WDFY2: variants seen among roughly 807,000 people sequenced by gnomAD.
The protein encoded by WDFY2 is WD repeat and FYVE domain containing 2, also known as WD repeat and FYVE domain-containing protein 2.
Under a neutral mutation model 56.4 loss-of-function variants are expected in WDFY2, and 36 were observed. The ratio of observed to expected loss-of-function variants is 0.64; its 90% CI spans 0.49 to 0.84. The LOEUF (loss-of-function observed/expected upper bound fraction) is 0.84, where lower values mean the gene tolerates loss of function less well. Ranked by LOEUF, WDFY2 falls within the 40% of genes least tolerant of loss-of-function variation. The probability of loss-of-function intolerance (pLI) is 0.00; values close to 1 mark genes in which losing one functional copy is unlikely to be tolerated. For missense variants in WDFY2, 444 were observed against 512.2 expected, an observed-to-expected ratio of 0.87 and a Z score of 1.29; for synonymous variants, 176 against 183.7, an observed-to-expected ratio of 0.96 and a Z score of 0.34.
intron 11 of WDFY2, 105 bp downstream of exon 11, chr13:51,758,405 G>A: frequency 1.3e-6 from 1 of 754,234 alleles, no homozygotes; most frequent in South Asian, 2.2e-5. Flanking sequence ...TCCTTGGGTA[G>A]CCGGCCATGG....
At chr13:51,727,637 C>A in intron 5 of WDFY2, 41 bp from the exon 6 acceptor site, 3 of 1,577,420 alleles carry the variant, frequency 1.9e-6, no homozygotes, top group Non-Finnish European at 8.7e-7. Context: ...TAAATTCCCT[C>A]ATTTAATTTT....
chr13:51,715,953 A>G (rs1952336555), intron 4 of WDFY2, among the ~76,000 whole-genome samples: 2 of 152,222 alleles, frequency 1.3e-5, no homozygotes, highest in African/African-American at 4.8e-5. Flanking sequence ...AACGTTATTC[A>G]TAATGGCCAA....
chr13:51,660,836 T>C (rs74329341), intron 2 of WDFY2, among the ~76,000 whole-genome samples, 173 bp downstream of exon 2: 2 of 152,330 alleles, frequency 1.3e-5, no homozygotes, highest in East Asian at 3.9e-4. Context: ...AGTAAGAAAA[T>C]TGTTCTGAAA....
At chr13:51,697,159 T>G (rs950726355) in intron 3 of WDFY2, among the ~76,000 whole-genome samples, 1 of 152,156 alleles carries the variant, frequency 6.6e-6, no homozygotes, top group Non-Finnish European at 1.5e-5. Flanking sequence ...GGAAAGGACA[T>G]AAATTGGCAC....
rs553691846 is a variant in WDFY2, at chr13:51,614,565, C to T, written c.137+29741C>T. 1.8e-3 allele frequency among the ~76,000 whole-genome samples: 280 copies of T among 152,298 alleles called. 1 individual carries two copies. Among genetic ancestry groups the T allele is most frequent in the South Asian group, 3.7e-3 (18 of 4,832 alleles). ...TTTGAAGCCTCACGATGGCTGCTCT[C>T]CAGTCAGCATTGCATCTGCTTTCCA... On this transcript the variant is annotated intron_variant, in intron 1 of 11. Transcript: ENST00000298125.
rs148387439 is a variant in WDFY2 at position 51,699,486 on chromosome 13, G to A, written c.280-4110G>A. ...CCTTCAAATAAAGCATTAGACTTAC[G>A]CTTTGCTTCACGCTGTTTTTCAGAG... On this transcript the variant is annotated intron_variant, in intron 3 of 11. Transcript: ENST00000298125. Among the ~76,000 whole-genome samples the A allele has an allele frequency of 4.9e-3, 753 of 152,266 alleles. 5 individuals carry two copies. The highest frequency in any genetic ancestry group is 0.014 in the African/African-American group (590 of 41,546).
chr13:51,609,648 A>G (rs1954457987), intron 1 of WDFY2, among the ~76,000 whole-genome samples: 1 of 118,818 alleles, frequency 8.4e-6, no homozygotes, highest in Non-Finnish European at 1.7e-5. Context: ...ACATATGTTT[A>G]AGAACACAGG....
At chr13:51,593,825 T>G (rs1385225257) in intron 1 of WDFY2, 1 of 152,214 alleles carries the variant, frequency 6.6e-6, no homozygotes, top group Non-Finnish European at 1.5e-5. Context: ...TCCAGATATA[T>G]CTTACATTTT....
chr13:51,710,982 A>G (rs372869680), intron 4 of WDFY2, among the ~76,000 whole-genome samples: 1 of 152,122 alleles, frequency 6.6e-6, no homozygotes, highest in South Asian at 2.1e-4. Flanking sequence ...CATTGCCAAG[A>G]CAATCCTAAG....
intron 2 of WDFY2, among the ~76,000 whole-genome samples, chr13:51,665,382 A>G (rs2138472038): frequency 6.6e-6 from 1 of 152,330 alleles, no homozygotes; most frequent in East Asian, 1.9e-4. Flanking sequence ...TGGAAGTTTC[A>G]GTTACAGCCA....
intron 1 of WDFY2, among the ~76,000 whole-genome samples, chr13:51,600,288 A>G (rs781630596): frequency 2.0e-5 from 3 of 152,198 alleles, no homozygotes; most frequent in Non-Finnish European, 4.4e-5. Context: ...TTTCTTTGAT[A>G]CAGAAACCAG....
chr13:51,680,228 A>G (rs1201274705), intron 3 of WDFY2, among the ~76,000 whole-genome samples: 1 of 152,134 alleles, frequency 6.6e-6, no homozygotes, highest in African/African-American at 2.4e-5. Flanking sequence ...CTCACTTCCA[A>G]GTAGCTGGGA....
intron 1 of WDFY2, chr13:51,586,026 T>G (rs1953930663): frequency 7.5e-6 from 3 of 398,560 alleles, no homozygotes; most frequent in Non-Finnish European, 1.3e-5. Flanking sequence ...CCTGTGCAGA[T>G]CCAATGGAAA....
At chr13:51,706,604 G>A (rs1004501878) in intron 4 of WDFY2, among the ~76,000 whole-genome samples, 7 of 152,120 alleles carry the variant, frequency 4.6e-5, no homozygotes, top group African/African-American at 1.4e-4. Flanking sequence ...ATCAAAACCT[G>A]AACTGAAAAC....
In WDFY2 at chr13:51,761,475, CTT is replaced by C. The variant is rs1202733224; in HGVS notation, c.*1707_*1708del. 2 of 152,230 alleles carry C rather than the reference CTT, an allele frequency of 1.3e-5. No individual in the cohort carries two copies. The allele number at this position is 152,230 out of a possible 1,614,324, so 9.4% of individuals were successfully genotyped here. ...GGAGCATCAGGGAGCTCACCAGTCTCTTGAGGATCACAGGCCAATTGCTTGTC... is the reference window on the plus strand; with the variant it reads ...GGAGCATCAGGGAGCTCACCAGTCTCGAGGATCACAGGCCAATTGCTTGTC... On this transcript the variant is annotated 3_prime_UTR_variant, in exon 12 of 12. Coordinates refer to ENST00000298125, the MANE Select transcript of WDFY2 (RefSeq NM_052950.4).
chr13:51,599,951 A>G (rs949215340), intron 1 of WDFY2, among the ~76,000 whole-genome samples: 3 of 151,748 alleles, frequency 2.0e-5, no homozygotes, highest in South Asian at 2.1e-4. Context: ...TGGGGCTTGC[A>G]GTGCTTGCAT....
At position 51,747,784 on chromosome 13, in the gene WDFY2, G is replaced by A. The variant is rs113136749; in HGVS notation, c.726-3526G>A. Among the ~76,000 whole-genome samples, 193 of 152,152 alleles carry A rather than the reference G, an allele frequency of 1.3e-3. 2 individuals are homozygous for A. Among genetic ancestry groups the A allele is most frequent in the Non-Finnish European group, 1.8e-3 (125 of 68,030 alleles). On this transcript the variant is annotated intron_variant, in intron 7 of 11. Transcript: ENST00000298125. ...TGGCTCAAGCAGTCCTTCTGCCTCA[G>A]CCTCCCAAAGTGCTGGAATTACAGG...
At chr13:51,598,712 G>C (rs1325232266) in intron 1 of WDFY2, 1 of 152,078 alleles carries the variant, frequency 6.6e-6, no homozygotes, top group East Asian at 1.9e-4. Flanking sequence ...GGAGAATTTT[G>C]CTACTATATC....
chr13:51,684,815 C>G (rs923356713), intron 3 of WDFY2, among the ~76,000 whole-genome samples: 1 of 152,144 alleles, frequency 6.6e-6, no homozygotes, highest in Non-Finnish European at 1.5e-5. Context: ...AAATTTCCAT[C>G]TCTTACAGGT....
Sources: gnomAD v4.1 joint callset for allele counts (sites outside exome capture counted in the v4.1 genomes callset) on GRCh38, gnomAD v4.1.1 for gene constraint, MANE v1.5 for transcripts, NCBI Gene and HGNC (gene_info 2026-07-23, HGNC 2026-07-21) for gene names.